Variants in DYM observed in about 807,000 individuals in gnomAD.
The protein encoded by DYM is dymeclin, also known as dyggve-Melchior-Clausen syndrome protein.
A neutral mutation model predicts 93.1 loss-of-function variants in DYM; 78 were observed. The ratio of observed to expected loss-of-function variants is 0.84; its 90% CI spans 0.70 to 1.01. The LOEUF (loss-of-function observed/expected upper bound fraction) is 1.01. Among genes scored for constraint, DYM ranks in the 50% least tolerant of loss-of-function variants. The pLI, the probability that DYM is intolerant of heterozygous loss-of-function variation, is 0.00. For missense variants in DYM, 789 were observed against 845.0 expected, an observed-to-expected ratio of 0.93 and a Z score of 0.82; for synonymous variants, 321 against 319.7, an observed-to-expected ratio of 1.00 and a Z score of -0.04.
At chr18:49,383,155 A>C (rs2068218897) in intron 3 of DYM, among the ~76,000 whole-genome samples, 1 of 152,246 alleles carries the variant, frequency 6.6e-6, no homozygotes, top group African/African-American at 2.4e-5. Flanking sequence ...TTTGAAAAGA[A>C]ATGTAAAGAC....
intron 16 of DYM, among the ~76,000 whole-genome samples, chr18:49,111,475 C>T (rs1180490033): frequency 2.0e-5 from 3 of 152,128 alleles, no homozygotes; most frequent in Non-Finnish European, 4.4e-5. Flanking sequence ...ACTGTAGAGA[C>T]TGACAGAAAT....
intron 17 of DYM, among the ~76,000 whole-genome samples, chr18:49,080,068 G>A (rs1204602625): frequency 7.1e-6 from 1 of 139,904 alleles, no homozygotes; most frequent in Non-Finnish European, 1.5e-5. Flanking sequence ...GCCGGGCAGA[G>A]GCGCCCCTCA....
At chr18:49,271,342 A>G (rs1221158622) in intron 11 of DYM, among the ~76,000 whole-genome samples, 1 of 152,192 alleles carries the variant, frequency 6.6e-6, no homozygotes, top group Non-Finnish European at 1.5e-5. Context: ...ATAATGTAAA[A>G]GCTGAGTTAA....
At chr18:49,108,555 T>A (rs1032220096) in intron 16 of DYM, among the ~76,000 whole-genome samples, 2 of 152,236 alleles carry the variant, frequency 1.3e-5, no homozygotes, top group African/African-American at 4.8e-5. Context: ...CTCTTCTTAC[T>A]GATTTCTATT....
intron 8 of DYM, among the ~76,000 whole-genome samples, chr18:49,317,862 A>G (rs1338009624): frequency 6.6e-6 from 1 of 151,684 alleles, no homozygotes; most frequent in Non-Finnish European, 1.5e-5. Context: ...ATCTTCCATA[A>G]CCCAGGCTCT....
chr18:49,210,362 G>A (rs1457609593), intron 13 of DYM, among the ~76,000 whole-genome samples: 2 of 152,130 alleles, frequency 1.3e-5, no homozygotes, highest in East Asian at 3.8e-4. Flanking sequence ...CTAGACGATG[G>A]ATTATTATTT....
chr18:49,185,170 ACAT>A (rs2090323487), intron 14 of DYM, among the ~76,000 whole-genome samples: 1 of 152,214 alleles, frequency 6.6e-6, no homozygotes, highest in African/African-American at 2.4e-5. Flanking sequence ...GACCTAAATC[ACAT>A]CATTTTTGTT....
chr18:49,350,552 A>T (rs112052154), intron 6 of DYM, among the ~76,000 whole-genome samples: 26 of 152,158 alleles, frequency 1.7e-4, no homozygotes, highest in African/African-American at 5.3e-4. Context: ...CTAAAAATAC[A>T]AAACTAAACT....
chr18:49,117,996 CTTTTTTTTTTTT>C (rs35936099), intron 16 of DYM, among the ~76,000 whole-genome samples: 2 of 53,468 alleles, frequency 3.7e-5, no homozygotes, highest in East Asian at 5.4e-4. Context: ...TGTGCCCAGC[CTTTTTTTTTTTT>C]TTTTTTTTTT....
chr18:49,402,389 C>A lies in DYM; in HGVS notation c.141-10744G>T, dbSNP rs138827646. On this transcript the variant is annotated intron_variant, in intron 2 of 17. Coordinates refer to ENST00000675505, the MANE Select transcript of DYM (RefSeq NM_001353214.3). ...GGCATATAATGGTTAAATATCTGACCCTGGCTACAACCATCCTGAGATTTT... is the reference window on the plus strand; with the variant it reads ...GGCATATAATGGTTAAATATCTGACACTGGCTACAACCATCCTGAGATTTT... Among the ~76,000 whole-genome samples, 111 of 152,196 alleles carry A rather than the reference C, an allele frequency of 7.3e-4. 4 individuals carry two copies. The East Asian group carries it at 0.021, about 29-fold the overall frequency.
chr18:49,316,150 C>T (rs938144345), intron 8 of DYM, among the ~76,000 whole-genome samples: 2 of 152,028 alleles, frequency 1.3e-5, no homozygotes, highest in African/African-American at 2.4e-5. Context: ...GGCGTGGCGG[C>T]GCATGCCTGT....
intron 13 of DYM, among the ~76,000 whole-genome samples, chr18:49,219,927 T>G (rs556784069): frequency 4.1e-4 from 58 of 142,778 alleles, no homozygotes; most frequent in African/African-American, 8.4e-4. Flanking sequence ...CAGAAGGAAA[T>G]AAAGGGTATT....
In DYM at chr18:49,254,281, CATATATATATATAT is replaced by C. The variant is rs3084549; in HGVS notation, c.1460+2715_1460+2728del. 7.5e-3 allele frequency among the ~76,000 whole-genome samples: 1,026 copies of C among 136,552 alleles called. 8 individuals are homozygous for C. Among genetic ancestry groups the C allele is most frequent in the South Asian group, 0.029 (122 of 4,228 alleles). The allele number at this position is 136,552 out of a possible 152,430, so 89.6% of individuals were successfully genotyped here. On this transcript the variant is annotated intron_variant, in intron 13 of 17. Coordinates refer to ENST00000675505, the MANE Select transcript of DYM (RefSeq NM_001353214.3). ...TCTGCTGTATAAAAGATCCTTGTAT[CATATATATATATAT>C]ATATATATATATATATATATATATA...
intron 13 of DYM, among the ~76,000 whole-genome samples, chr18:49,235,682 A>G (rs1318545480): frequency 1.3e-5 from 2 of 152,138 alleles, no homozygotes; most frequent in Non-Finnish European, 2.9e-5. Context: ...AGATAGAATA[A>G]GACCAATCAA....
At chr18:49,158,065 A>G (rs1468966945) in intron 15 of DYM, among the ~76,000 whole-genome samples, 2 of 152,226 alleles carry the variant, frequency 1.3e-5, no homozygotes, top group Admixed American at 6.5e-5. Context: ...TTGAAGAAGC[A>G]TAACACCTGG....
At chr18:49,315,521 C>G (rs1020784025) in intron 8 of DYM, among the ~76,000 whole-genome samples, 14 of 152,132 alleles carry the variant, frequency 9.2e-5, no homozygotes, top group African/African-American at 3.1e-4. Flanking sequence ...CTCTTTCCAC[C>G]TATCTTTGCC....
chr18:49,223,994 G>A (rs1350591204), intron 13 of DYM, among the ~76,000 whole-genome samples: 1 of 152,062 alleles, frequency 6.6e-6, no homozygotes, highest in East Asian at 1.9e-4. Context: ...GAAATGATTG[G>A]CTGGTTGGAG....
chr18:49,087,363 T>A (rs2078637756), intron 17 of DYM, among the ~76,000 whole-genome samples: 1 of 152,362 alleles, frequency 6.6e-6, no homozygotes, highest in African/African-American at 2.4e-5. Flanking sequence ...TTTTCTACTC[T>A]AGGATTACAA....
intron 10 of DYM, among the ~76,000 whole-genome samples, chr18:49,276,331 T>C (rs1261330568): frequency 6.6e-6 from 1 of 152,000 alleles, no homozygotes; most frequent in Non-Finnish European, 1.5e-5. Flanking sequence ...TAAATAATCA[T>C]ATGATTTTTG....
Sources: gnomAD v4.1 joint callset for allele counts (sites outside exome capture counted in the v4.1 genomes callset) on GRCh38, gnomAD v4.1.1 for gene constraint, MANE v1.5 for transcripts, NCBI Gene and HGNC (gene_info 2026-07-23, HGNC 2026-07-21) for gene names.